Variants in NALF1 observed in about 807,000 individuals in gnomAD.
The protein encoded by NALF1 is family with sequence similarity 155 member A.
A neutral mutation model predicts 48.4 loss-of-function variants in NALF1; 3 were observed. The ratio of observed to expected loss-of-function variants is 0.06; its 90% confidence interval spans 0.03 to 0.16. The LOEUF (loss-of-function observed/expected upper bound fraction) is 0.16, where lower values mean the gene tolerates loss of function less well. NALF1 is among the 10% of genes least tolerant of loss of function. The pLI is 1.00. For missense variants in NALF1, 526 were observed against 571.5 expected, an observed-to-expected ratio of 0.92 and a Z score of 0.81; for synonymous variants, 262 against 245.7, an observed-to-expected ratio of 1.07 and a Z score of -0.62.
intron 1 of NALF1, among the ~76,000 whole-genome samples, chr13:107,669,028 C>T (rs1411879799): frequency 2.6e-5 from 4 of 152,102 alleles, no homozygotes; most frequent in Non-Finnish European, 5.9e-5. Flanking sequence ...AATACTTATA[C>T]ACTTTTGCAA....
chr13:107,784,544 AAAACAAAC>A (rs554128004), intron 1 of NALF1, among the ~76,000 whole-genome samples: 1 of 152,164 alleles, frequency 6.6e-6, no homozygotes, highest in African/African-American at 2.4e-5. Context: ...CAGTAGGAAA[AAAACAAAC>A]AAACAAACAA....
intron 1 of NALF1, among the ~76,000 whole-genome samples, chr13:107,573,260 T>C (rs1878040506): frequency 6.6e-6 from 1 of 152,190 alleles, no homozygotes; most frequent in African/African-American, 2.4e-5. Flanking sequence ...AACATACTTC[T>C]GCTCTTATTT....
chr13:107,555,382 C>G (rs9520484), intron 1 of NALF1, among the ~76,000 whole-genome samples: 46,146 of 150,510 alleles, frequency 0.31, 8,373 homozygotes, highest in Non-Finnish European at 0.42. Context: ...AAGAAATTCT[C>G]CTGCCTCAGC....
chr13:107,463,874 T>C (rs758603944), intron 1 of NALF1, among the ~76,000 whole-genome samples: 5 of 152,208 alleles, frequency 3.3e-5, no homozygotes, highest in Admixed American at 1.3e-4. Flanking sequence ...GATATAATGA[T>C]AAGGAAGGCT....
chr13:107,603,243 C>T (rs545464185), intron 1 of NALF1, among the ~76,000 whole-genome samples: 39 of 152,114 alleles, frequency 2.6e-4, no homozygotes, highest in Non-Finnish European at 4.9e-4. Context: ...ATTTTCTCTT[C>T]TCATTTTCCA....
intron 1 of NALF1, among the ~76,000 whole-genome samples, chr13:107,312,399 A>C (rs1882064502): frequency 6.6e-6 from 1 of 152,016 alleles, no homozygotes; most frequent in Non-Finnish European, 1.5e-5. Flanking sequence ...AGGAAGGGGA[A>C]CATCACACAC....
intron 1 of NALF1, among the ~76,000 whole-genome samples, chr13:107,813,527 T>C (rs1317995289): frequency 6.6e-6 from 1 of 152,192 alleles, no homozygotes; most frequent in Non-Finnish European, 1.5e-5. Flanking sequence ...ATATAACAGG[T>C]ACTATTTATT....
chr13:107,254,674 T>C (rs1880776716), intron 1 of NALF1, among the ~76,000 whole-genome samples: 1 of 152,202 alleles, frequency 6.6e-6, no homozygotes, highest in Non-Finnish European at 1.5e-5. Flanking sequence ...TGGTATGACA[T>C]AACCTACACA....
chr13:107,385,461 G>A (rs1387715274), intron 1 of NALF1, among the ~76,000 whole-genome samples: 1 of 148,818 alleles, frequency 6.7e-6, no homozygotes, highest in Non-Finnish European at 1.5e-5. Context: ...GCTGGGGCAG[G>A]AGAATCACTT....
Position 107,365,429 on chromosome 13 carries a change from A to G in NALF1, c.916-154674T>C, listed in dbSNP as rs114362247. 4.9e-3 allele frequency among the ~76,000 whole-genome samples: 747 copies of G among 152,196 alleles called. 2 individuals carry two copies. Among genetic ancestry groups the G allele is most frequent in the African/African-American group, 0.017 (690 of 41,522 alleles). On this transcript the variant is annotated intron_variant, in intron 1 of 2. Coordinates refer to ENST00000375915, the MANE Select transcript of NALF1 (RefSeq NM_001080396.3). The stretch of plus-strand genomic sequence containing the variant: ...CCCTGCCGAGAAACTTCTTGCTACA[A>G]ATACACATCTCTCAGTTCAGTGTCC...
At chr13:107,755,559 A>C (rs1877070907) in intron 1 of NALF1, among the ~76,000 whole-genome samples, 1 of 150,878 alleles carries the variant, frequency 6.6e-6, no homozygotes, top group Admixed American at 6.7e-5. Context: ...TTTATTTTAC[A>C]TACTAGATTC....
intron 1 of NALF1, among the ~76,000 whole-genome samples, chr13:107,497,736 T>C (rs1201536865): frequency 6.6e-6 from 1 of 152,336 alleles, no homozygotes; most frequent in East Asian, 1.9e-4. Flanking sequence ...GTTTTTCTCA[T>C]CTATTACAGA....
At chr13:107,718,004 C>G (rs950712092) in intron 1 of NALF1, among the ~76,000 whole-genome samples, 1 of 152,182 alleles carries the variant, frequency 6.6e-6, no homozygotes, top group Admixed American at 6.5e-5. Context: ...TGCTGTTGTT[C>G]CAGCTGATAA....
chr13:107,663,195 A>G (rs1352276646), intron 1 of NALF1, among the ~76,000 whole-genome samples: 1 of 152,246 alleles, frequency 6.6e-6, no homozygotes, highest in Non-Finnish European at 1.5e-5. Flanking sequence ...TCATTCTTGA[A>G]GAATGTTCAA....
intron 1 of NALF1, among the ~76,000 whole-genome samples, chr13:107,594,896 TA>T (rs1335955271): frequency 6.6e-6 from 1 of 151,984 alleles, no homozygotes; most frequent in African/African-American, 2.4e-5. Flanking sequence ...AATTAAAAAT[TA>T]AAAAAATAGA....
chr13:107,346,323 T>C (rs1882772253), intron 1 of NALF1, among the ~76,000 whole-genome samples: 1 of 152,174 alleles, frequency 6.6e-6, no homozygotes, highest in Non-Finnish European at 1.5e-5. Flanking sequence ...GATATGTGCA[T>C]ACCCATGTTC....
chr13:107,375,948 A>G (rs917495875), intron 1 of NALF1, among the ~76,000 whole-genome samples: 2 of 151,774 alleles, frequency 1.3e-5, no homozygotes, highest in African/African-American at 4.8e-5. Flanking sequence ...ACACACATAC[A>G]CACACACACA....
chr13:107,209,001 G>A (rs955982880), intron 2 of NALF1, among the ~76,000 whole-genome samples: 4 of 152,116 alleles, frequency 2.6e-5, no homozygotes, highest in Admixed American at 1.3e-4. Flanking sequence ...CGTGTGCAAC[G>A]GCTATGGCTG....
At chr13:107,729,125 C>T (rs1876239105) in intron 1 of NALF1, among the ~76,000 whole-genome samples, 1 of 152,166 alleles carries the variant, frequency 6.6e-6, no homozygotes, top group Non-Finnish European at 1.5e-5. Context: ...CAAACTACAG[C>T]TCCATGTCTG....
Sources: gnomAD v4.1 joint callset for allele counts (sites outside exome capture counted in the v4.1 genomes callset) on GRCh38, gnomAD v4.1.1 for gene constraint, MANE v1.5 for transcripts, NCBI Gene and HGNC (gene_info 2026-07-23, HGNC 2026-07-21) for gene names.